Variants in EVC2 observed in about 807,000 individuals in gnomAD.
The protein encoded by EVC2 is EvC ciliary complex subunit 2.
Under a neutral mutation model 149.3 loss-of-function variants are expected in EVC2, and 148 were observed. The observed-to-expected ratio is 0.99, with a 90% CI of 0.87 to 1.14. EVC2 has a LOEUF of 1.14. Among genes scored for constraint, EVC2 ranks in the 50% most tolerant of loss-of-function variants. The pLI, the probability that EVC2 is intolerant of heterozygous loss-of-function variation, is 0.00. For synonymous variants in EVC2, 776 were observed against 649.9 expected, an observed-to-expected ratio of 1.19 and a Z score of -2.95; for missense variants, 1,854 against 1,627.3, an observed-to-expected ratio of 1.14 and a Z score of -2.40.
In EVC2 at chr4:5,651,671, C is replaced by T. The variant is rs531990038; in HGVS notation, c.1146-10833G>A. Among the ~76,000 whole-genome samples the T allele has an allele frequency of 3.0e-4, 45 of 152,238 alleles. No individual in the cohort carries two copies. In the South Asian group the frequency reaches 7.5e-3, roughly 25 times the overall value. The stretch of plus-strand genomic sequence containing the variant: ...AGGTAGCTTTAGAAATGGAATAAAC[C>T]TTGGATGTCAGCTAAGTAAGTCACC... On this transcript the variant is annotated intron_variant, in intron 9 of 21. Transcript: ENST00000344408.
chr4:5,582,311 C>G (rs1487065036), intron 17 of EVC2, among the ~76,000 whole-genome samples: 1 of 152,220 alleles, frequency 6.6e-6, no homozygotes, highest in Admixed American at 6.5e-5. Flanking sequence ...CTGAGCTGCC[C>G]AAGGCTTTGG....
chr4:5,593,934 G>A (rs1713103575), intron 16 of EVC2, among the ~76,000 whole-genome samples: 1 of 152,204 alleles, frequency 6.6e-6, no homozygotes, highest in South Asian at 2.1e-4. Flanking sequence ...CACCTGGCTT[G>A]GAGGGTCCTA....
downstream of EVC2, among the ~76,000 whole-genome samples, chr4:5,540,836 G>GT (rs1032648318): frequency 2.0e-5 from 3 of 152,130 alleles, no homozygotes; most frequent in Non-Finnish European, 4.4e-5. Context: ...CCTCAATACA[G>GT]TTTTTTTAAC....
At chr4:5,638,690 T>G (rs1212666188) in intron 10 of EVC2, among the ~76,000 whole-genome samples, 1 of 152,040 alleles carries the variant, frequency 6.6e-6, no homozygotes, top group Non-Finnish European at 1.5e-5. Context: ...TAATTTAAGA[T>G]CTTATGAGAT....
intron 21 of EVC2, among the ~76,000 whole-genome samples, chr4:5,547,243 C>A (rs1721640399): frequency 6.6e-6 from 1 of 152,266 alleles, no homozygotes; most frequent in African/African-American, 2.4e-5. Flanking sequence ...CTGCCTCAGC[C>A]CCCTCTGGAC....
intron 16 of EVC2, 60 bp downstream of exon 16, chr4:5,615,362 C>T (rs1348684930): frequency 6.2e-7 from 1 of 1,612,024 alleles, no homozygotes; most frequent in East Asian, 2.2e-5. Context: ...AATGTGTCAG[C>T]TATCAGAGCA....
At chr4:5,650,452 C>T (rs543795795) in intron 9 of EVC2, among the ~76,000 whole-genome samples, 1 of 151,808 alleles carries the variant, frequency 6.6e-6, no homozygotes, top group South Asian at 2.1e-4. Context: ...CAGCTTTACC[C>T]CTCAGGAACC....
chr4:5,571,086 C>A (rs549790566), intron 19 of EVC2, among the ~76,000 whole-genome samples: 7 of 151,996 alleles, frequency 4.6e-5, no homozygotes, highest in African/African-American at 1.4e-4. Context: ...GAGGCTGAGG[C>A]GGGTGGACTG....
At chr4:5,658,544 GGT>G (rs1405375035) in intron 9 of EVC2, among the ~76,000 whole-genome samples, 2 of 152,160 alleles carry the variant, frequency 1.3e-5, no homozygotes, top group African/African-American at 4.8e-5. Flanking sequence ...AGGTAATGTT[GGT>G]AGCATCCAGA....
At position 5,689,297 on chromosome 4, in the gene EVC2, A is replaced by T. The variant is rs1720945776; in HGVS notation, c.566T>A (p.Val189Asp). Reference protein sequence around the residue: ...EAQTARIWLLVNNTKTTSSAN... With the variant: ...EAQTARIWLLDNNTKTTSSAN... ...TGACGAGGTTGTCTTGGTGTTGTTA[A>T]CAAGCAGCCATATGCGGGCTGTCTG... Residue 189 changes from valine to aspartate, a missense_variant, in exon 5 of 22, where the codon GTT becomes GAT. Transcript: ENST00000344408. The T allele has an allele frequency of 6.2e-7, 1 of 1,614,118 alleles. No individual in the cohort carries two copies. Among genetic ancestry groups the T allele is most frequent in the South Asian group, 1.1e-5 (1 of 91,064 alleles).
rs1007862838 is a variant in EVC2 at position 5,636,781 on chromosome 4, C to A, written c.1470+3733G>T. 2.0e-5 allele frequency among the ~76,000 whole-genome samples: 3 copies of A among 151,968 alleles called. No individual in the cohort carries two copies. The highest frequency in any genetic ancestry group is 6.6e-5 in the Admixed American group (1 of 15,254). ...TTGCTTTTCTTTTTTAAAACTAATT[C>A]TTGGTGGAATAATACATCCAAAATA... is the stretch of plus-strand genomic sequence containing the variant. On this transcript the variant is annotated intron_variant, in intron 10 of 21. Coordinates refer to ENST00000344408, the MANE Select transcript of EVC2 (RefSeq NM_147127.5). The surrounding 1 kb of genome is among the most constrained non-coding windows in gnomAD (Gnocchi z 4.6).
chr4:5,703,852 A>G (rs1358818572), intron 1 of EVC2, among the ~76,000 whole-genome samples: 1 of 152,216 alleles, frequency 6.6e-6, no homozygotes, highest in African/African-American at 2.4e-5. Context: ...AGGAACAGAG[A>G]GTAATGGGGG....
At chr4:5,586,252 C>T (rs1712268024) in intron 16 of EVC2, among the ~76,000 whole-genome samples, 1 of 152,048 alleles carries the variant, frequency 6.6e-6, no homozygotes. Flanking sequence ...TTCCCCCTTC[C>T]CTCCCTTTGT....
chr4:5,687,622 C>T (rs376493671), intron 5 of EVC2, among the ~76,000 whole-genome samples: 2 of 152,158 alleles, frequency 1.3e-5, no homozygotes, highest in Middle Eastern at 3.4e-3. Context: ...AAAGGTGACA[C>T]CAGGGCCAGG....
At position 5,618,616 on chromosome 4, in the gene EVC2, A is replaced by T. The variant is rs745525669; in HGVS notation, c.2568T>A (p.His856Gln). The T allele has an allele frequency of 1.2e-6, 2 of 1,613,526 alleles. No homozygotes were observed. Among genetic ancestry groups the T allele is most frequent in the South Asian group, 2.2e-5 (2 of 90,840 alleles). ...EELLRMRQEV[H>Q]GCFAQMDRSL... ...TCCTGTCCATCTGAGCAAAGCAGCCATGGACCTCCTGCCTCATCCTGAGCA... is the reference window on the plus strand; with the variant it reads ...TCCTGTCCATCTGAGCAAAGCAGCCTTGGACCTCCTGCCTCATCCTGAGCA... The change falls in exon 15 of 22, where the codon CAT becomes CAA. Residue 856 changes from histidine (H) to glutamine (Q), a missense_variant. By Grantham distance (24) the His-to-Gln change is conservative (BLOSUM62 0). Coordinates refer to ENST00000344408, the MANE Select transcript of EVC2 (RefSeq NM_147127.5). This position sits in a 1 kb window ranked among gnomAD's most constrained non-coding sequence, Gnocchi z 4.4.
chr4:5,540,513 G>A (rs558779745), downstream of EVC2, among the ~76,000 whole-genome samples: 4 of 152,286 alleles, frequency 2.6e-5, no homozygotes, highest in South Asian at 2.1e-4. Context: ...TGATACATGC[G>A]ACATGTGGAT....
intron 16 of EVC2, among the ~76,000 whole-genome samples, chr4:5,609,984 G>T (rs1416790278): frequency 6.6e-6 from 1 of 152,134 alleles, no homozygotes; most frequent in African/African-American, 2.4e-5. Context: ...AATGAACAAG[G>T]CACAGGTCAG....
intron 9 of EVC2, among the ~76,000 whole-genome samples, chr4:5,662,138 G>A (rs1421061557): frequency 6.6e-6 from 1 of 152,110 alleles, no homozygotes; most frequent in Non-Finnish European, 1.5e-5. Flanking sequence ...CTTGGCTACT[G>A]ACATCTCACC....
chr4:5,587,318 G>A (rs1050321159), intron 16 of EVC2, among the ~76,000 whole-genome samples: 1 of 152,094 alleles, frequency 6.6e-6, no homozygotes, highest in East Asian at 1.9e-4. Flanking sequence ...CTGTTTCTAT[G>A]ATTTTCCTTA....
Sources: gnomAD v4.1 joint callset for allele counts (sites outside exome capture counted in the v4.1 genomes callset) on GRCh38, gnomAD v4.1.1 for gene constraint, Gnocchi (gnomAD v3.1) non-coding constraint, MANE v1.5 for transcripts, NCBI Gene and HGNC (gene_info 2026-07-23, HGNC 2026-07-21) for gene names.